CNKSR3: variants seen among roughly 807,000 people sequenced by gnomAD.
The protein encoded by CNKSR3 is CNKSR family member 3, also known as connector enhancer of kinase suppressor of ras 3.
Under a neutral mutation model 67.7 loss-of-function variants are expected in CNKSR3, and 36 were observed. That is an observed-to-expected ratio of 0.53 (90% CI 0.41 to 0.70). The LOEUF (loss-of-function observed/expected upper bound fraction) is 0.70. Among genes scored for constraint, CNKSR3 ranks in the 30% least tolerant of loss-of-function variants. CNKSR3 has a pLI of 0.00. For missense variants in CNKSR3, 630 were observed against 695.2 expected, an observed-to-expected ratio of 0.91 and a Z score of 1.05; for synonymous variants, 281 against 271.4, an observed-to-expected ratio of 1.04 and a Z score of -0.35.
In CNKSR3 at chr6:154,503,626, C is replaced by A. The variant is rs1387136965; in HGVS notation, c.52+6437G>T. Among the ~76,000 whole-genome samples, 3 of 136,020 alleles carry A rather than the reference C, an allele frequency of 2.2e-5. No homozygotes were observed. In the East Asian group the frequency reaches 6.1e-4, roughly 28 times the overall value. 89.2% of individuals were successfully genotyped at this position (136,020 alleles called of 152,430 possible). The stretch of plus-strand genomic sequence containing the variant: ...TTCTAACCTGGGCAAGAGAGCAAGA[C>A]CCTGCCTCTTATTTAAAAAAAAAAA... On this transcript the variant is annotated intron_variant, in intron 1 of 12. Coordinates refer to ENST00000607772, the MANE Select transcript of CNKSR3 (RefSeq NM_173515.4).
At chr6:154,443,238 C>T (rs1395821951) in intron 2 of CNKSR3, among the ~76,000 whole-genome samples, 2 of 152,066 alleles carry the variant, frequency 1.3e-5, no homozygotes, top group African/African-American at 4.8e-5. Flanking sequence ...CCCAAATGTC[C>T]CCTCCCCTGC....
chr6:154,396,042 T>A lies in CNKSR3; in HGVS notation c.*10312A>T, dbSNP rs2128708562. ...CAACTGTGCCCAGCCAGCCTTAGTA[T>A]TTATAGACCTGGTTTCCTCAGGTCC... On this transcript the variant is annotated 3_prime_UTR_variant, in exon 13 of 13. Coordinates refer to ENST00000607772, the MANE Select transcript of CNKSR3 (RefSeq NM_173515.4). 6.6e-6 allele frequency: 1 copy of A among 152,340 alleles called. No homozygotes were observed. Among genetic ancestry groups the A allele is most frequent in the Non-Finnish European group, 1.5e-5 (1 of 68,046 alleles). 9.4% of individuals were successfully genotyped at this position (152,340 alleles called of 1,614,324 possible). A position where few individuals can be genotyped will look rare whatever the true frequency, so the allele number is the denominator to read the frequency against.
intron 1 of CNKSR3, among the ~76,000 whole-genome samples, chr6:154,473,447 T>C (rs1170756503): frequency 1.3e-5 from 2 of 152,100 alleles, no homozygotes; most frequent in Non-Finnish European, 2.9e-5. Flanking sequence ...ACCTGGAAAG[T>C]GGTTGAAATC....
Position 154,444,793 on chromosome 6 carries a change from G to A in CNKSR3, c.217-2503C>T, listed in dbSNP as rs745846795. Among the ~76,000 whole-genome samples, 55 of 152,010 alleles carry A rather than the reference G, an allele frequency of 3.6e-4. 1 individual carries two copies. The highest frequency in any genetic ancestry group is 3.4e-4 in the Non-Finnish European group (23 of 68,002). ...GTTAATTTTTGAATTTTTTAGTAGA[G>A]ACGGGGTTTCACCATGTTGGCCAGG... On this transcript the variant is annotated intron_variant, in intron 2 of 12. Coordinates refer to ENST00000607772, the MANE Select transcript of CNKSR3 (RefSeq NM_173515.4).
intron 10 of CNKSR3, among the ~76,000 whole-genome samples, chr6:154,411,474 C>T (rs1401474990): frequency 3.3e-5 from 5 of 151,936 alleles, no homozygotes; most frequent in Non-Finnish European, 7.4e-5. Flanking sequence ...AGGTGAAACC[C>T]CATCTCTACT....
At chr6:154,410,289 T>C in intron 12 of CNKSR3, 54 bp downstream of exon 12, 1 of 1,294,688 alleles carries the variant, frequency 7.7e-7, no homozygotes, top group Non-Finnish European at 1.1e-6. Flanking sequence ...AACCAGGCCC[T>C]GGGGCTGTTC....
At chr6:154,419,690 G>A (rs75969036) in intron 9 of CNKSR3, among the ~76,000 whole-genome samples, 3,927 of 152,236 alleles carry the variant, frequency 0.026, 71 homozygotes, top group Non-Finnish European at 0.042. Context: ...CATGTTCACT[G>A]CAGCATTTTT....
intron 12 of CNKSR3, among the ~76,000 whole-genome samples, chr6:154,408,721 T>C (rs938160807): frequency 2.0e-5 from 3 of 152,190 alleles, no homozygotes; most frequent in Non-Finnish European, 4.4e-5. Context: ...TACAACTCCG[T>C]GAATATACTA....
chr6:154,464,583 T>C (rs1249556560), intron 1 of CNKSR3, among the ~76,000 whole-genome samples: 1 of 150,554 alleles, frequency 6.6e-6, no homozygotes, highest in East Asian at 2.0e-4. Flanking sequence ...TGCGTTGTGG[T>C]TGCTCACCTG....
intron 1 of CNKSR3, among the ~76,000 whole-genome samples, chr6:154,497,976 A>C (rs1156366578): frequency 2.6e-5 from 4 of 152,216 alleles, no homozygotes; most frequent in African/African-American, 9.6e-5. Context: ...GTGCAAACAC[A>C]AACAGCTCCC....
chr6:154,489,249 T>G (rs577002926), intron 1 of CNKSR3, among the ~76,000 whole-genome samples: 2 of 152,022 alleles, frequency 1.3e-5, no homozygotes, highest in Non-Finnish European at 2.9e-5. Context: ...ACCCTATTGC[T>G]GCTGGGCACG....
intron 9 of CNKSR3, among the ~76,000 whole-genome samples, chr6:154,418,528 C>T (rs1785069542): frequency 6.6e-6 from 1 of 152,202 alleles, no homozygotes; most frequent in South Asian, 2.1e-4. Context: ...ACCTCACAGT[C>T]CATACCTCTC....
chr6:154,442,992 G>A (rs946521000), intron 2 of CNKSR3, among the ~76,000 whole-genome samples: 1 of 152,068 alleles, frequency 6.6e-6, no homozygotes, highest in African/African-American at 2.4e-5. Context: ...TAGGTTCACA[G>A]GTTCAAGTGA....
intron 1 of CNKSR3, among the ~76,000 whole-genome samples, chr6:154,507,422 GCT>G (rs1298634401): frequency 7.2e-5 from 11 of 152,192 alleles, no homozygotes; most frequent in Non-Finnish European, 1.5e-4. Flanking sequence ...ATGAAGAGCT[GCT>G]TATCAGTAGC....
intron 8 of CNKSR3, 125 bp from the exon 9 acceptor site, chr6:154,422,777 A>C (rs1414979840): frequency 1.1e-5 from 13 of 1,171,496 alleles, no homozygotes; most frequent in South Asian, 4.0e-5. Flanking sequence ...AGGCAGGCGT[A>C]AGTATGCTCA....
intron 1 of CNKSR3, among the ~76,000 whole-genome samples, chr6:154,491,855 T>C (rs1786789824): frequency 6.6e-6 from 1 of 152,202 alleles, no homozygotes; most frequent in African/African-American, 2.4e-5. Flanking sequence ...ATCAGATATC[T>C]AGTTACCAAA....
At chr6:154,418,949 C>T (rs1265741564) in intron 9 of CNKSR3, among the ~76,000 whole-genome samples, 1 of 125,318 alleles carries the variant, frequency 8.0e-6, no homozygotes, top group Admixed American at 8.2e-5. Context: ...TCAAAGAACT[C>T]AACAGCAAAA....
At chr6:154,479,988 G>A (rs1231178501) in intron 1 of CNKSR3, among the ~76,000 whole-genome samples, 1 of 152,174 alleles carries the variant, frequency 6.6e-6, no homozygotes, top group Non-Finnish European at 1.5e-5. Flanking sequence ...TGTGGGGCAG[G>A]AACAGAGGCA....
chr6:154,396,925 G>C lies in CNKSR3; in HGVS notation c.*9429C>G, dbSNP rs759236769. On this transcript the variant is annotated 3_prime_UTR_variant, in exon 13 of 13. Transcript: ENST00000607772. ...CGCCATTCTCCTGCCTCAACCTCCC[G>C]AGTAGCTGGGACTACAGGCGCCCGC... 1 of 150,886 alleles carries C rather than the reference G, an allele frequency of 6.6e-6. No homozygotes were observed. Among genetic ancestry groups the C allele is most frequent in the African/African-American group, 2.4e-5 (1 of 40,984 alleles). 9.3% of individuals were successfully genotyped at this position (150,886 alleles called of 1,614,324 possible). A position where few individuals can be genotyped will look rare whatever the true frequency, so the allele number is the denominator to read the frequency against.
Sources: gnomAD v4.1 joint callset for allele counts (sites outside exome capture counted in the v4.1 genomes callset) on GRCh38, gnomAD v4.1.1 for gene constraint, MANE v1.5 for transcripts, NCBI Gene and HGNC (gene_info 2026-07-23, HGNC 2026-07-21) for gene names.